KHDRBS3: variants seen among roughly 807,000 people sequenced by gnomAD.
KHDRBS3 encodes KH RNA binding domain containing, signal transduction associated 3.
In KHDRBS3, 23 loss-of-function variants were observed where a neutral mutation model predicts 45.6. That is an observed-to-expected ratio of 0.50 (90% CI 0.36 to 0.72). KHDRBS3 has a LOEUF of 0.72. KHDRBS3 is among the 30% of genes least tolerant of loss of function. KHDRBS3 has a pLI of 0.00. For synonymous variants in KHDRBS3, 162 were observed against 156.5 expected, an observed-to-expected ratio of 1.04 and a Z score of -0.26; for missense variants, 352 against 424.8, an observed-to-expected ratio of 0.83 and a Z score of 1.51.
chr8:135,591,365 T>C (rs1828735346), intron 6 of KHDRBS3, among the ~76,000 whole-genome samples: 1 of 152,240 alleles, frequency 6.6e-6, no homozygotes, highest in Non-Finnish European at 1.5e-5. Context: ...TACTGCAGGA[T>C]GTCTTATTTC....
At chr8:135,485,348 A>C (rs1174953270) in intron 1 of KHDRBS3, among the ~76,000 whole-genome samples, 2 of 152,194 alleles carry the variant, frequency 1.3e-5, no homozygotes, top group African/African-American at 2.4e-5. Flanking sequence ...ACAGAATGGT[A>C]GTTTTTAAGT....
intron 2 of KHDRBS3, among the ~76,000 whole-genome samples, chr8:135,537,014 T>G (rs1486993136): frequency 6.0e-5 from 7 of 115,938 alleles, no homozygotes; most frequent in African/African-American, 1.4e-4. Context: ...GTTTAGGAGG[T>G]AAAATCATTA....
At chr8:135,574,232 TGTTAGCACGTCACCTCCATC>T (rs1827848742) in intron 5 of KHDRBS3, among the ~76,000 whole-genome samples, 1 of 152,078 alleles carries the variant, frequency 6.6e-6, no homozygotes, top group Admixed American at 6.5e-5. Context: ...ACCTCCATCA[TGTTAGCACGTCACCTCCATC>T]ATGCCTTTCT....
chr8:135,627,515 G>A (rs904015121), intron 7 of KHDRBS3, among the ~76,000 whole-genome samples: 8 of 152,334 alleles, frequency 5.3e-5, no homozygotes, highest in African/African-American at 1.9e-4. Flanking sequence ...GAAAGAAGGT[G>A]AAGATGCATG....
chr8:135,585,216 G>A (rs762937871), intron 6 of KHDRBS3, among the ~76,000 whole-genome samples: 27 of 127,008 alleles, frequency 2.1e-4, no homozygotes, highest in South Asian at 1.6e-3. Flanking sequence ...GTGACAGAGC[G>A]AGACTCCGTC....
intron 6 of KHDRBS3, among the ~76,000 whole-genome samples, chr8:135,599,490 C>T (rs755727954): frequency 6.6e-6 from 1 of 152,192 alleles, no homozygotes; most frequent in Admixed American, 6.5e-5. Flanking sequence ...GTAATACAGA[C>T]TGCATTTTAT....
At chr8:135,522,995 T>G (rs1044523183) in intron 2 of KHDRBS3, among the ~76,000 whole-genome samples, 2 of 152,186 alleles carry the variant, frequency 1.3e-5, no homozygotes, top group African/African-American at 4.8e-5. Flanking sequence ...TCTAAGCTTT[T>G]AGTTCACTTC....
At chr8:135,484,848 A>G (rs1822764806) in intron 1 of KHDRBS3, among the ~76,000 whole-genome samples, 2 of 152,286 alleles carry the variant, frequency 1.3e-5, no homozygotes, top group South Asian at 2.1e-4. Context: ...CCAAATTTAT[A>G]TATTTTAAGT....
chr8:135,579,822 C>T (rs1828119359), intron 5 of KHDRBS3, among the ~76,000 whole-genome samples: 1 of 152,178 alleles, frequency 6.6e-6, no homozygotes. Context: ...ATAAATCCTA[C>T]TTGGTTATGG....
intron 7 of KHDRBS3, among the ~76,000 whole-genome samples, chr8:135,611,962 G>T (rs1037300798): frequency 4.6e-5 from 7 of 151,700 alleles, no homozygotes; most frequent in Non-Finnish European, 8.8e-5. Flanking sequence ...AATCATCACG[G>T]CCATCATCTT....
chr8:135,616,821 T>C (rs1563808679), intron 7 of KHDRBS3, among the ~76,000 whole-genome samples: 3 of 152,228 alleles, frequency 2.0e-5, no homozygotes, highest in African/African-American at 4.8e-5. Flanking sequence ...CTTTCTATGT[T>C]TCATTCCTCG....
intron 1 of KHDRBS3, among the ~76,000 whole-genome samples, chr8:135,475,478 A>G (rs1822236079): frequency 6.6e-6 from 1 of 151,614 alleles, no homozygotes; most frequent in African/African-American, 2.4e-5. Flanking sequence ...TGCCCAGCTA[A>G]TTTTTGTATT....
rs1438898315 is a variant in KHDRBS3, at chr8:135,647,298, A to G, written c.*214A>G. Reference sequence around the variant, plus strand: ...TTTGTTATTTCCAGTCTGTATATGAAAAAATAGGTCATCAAAAGGAAAAAA... The same window carrying G: ...TTTGTTATTTCCAGTCTGTATATGAGAAAATAGGTCATCAAAAGGAAAAAA... On this transcript the variant is annotated 3_prime_UTR_variant, in exon 9 of 9. Transcript: ENST00000355849. 2.8e-6 allele frequency: 1 copy of G among 362,496 alleles called. No individual in the cohort carries two copies. Among genetic ancestry groups the G allele is most frequent in the Non-Finnish European group, 4.9e-6 (1 of 203,382 alleles). 22.5% of individuals were successfully genotyped at this position (362,496 alleles called of 1,614,324 possible).
chr8:135,536,821 G>A (rs927428210), intron 2 of KHDRBS3, among the ~76,000 whole-genome samples: 18 of 150,084 alleles, frequency 1.2e-4, no homozygotes, highest in Non-Finnish European at 2.1e-4. Context: ...TTAGCCGGGC[G>A]CGGTGGCGGG....
At chr8:135,646,212 G>T (rs1470711058) in intron 8 of KHDRBS3, among the ~76,000 whole-genome samples, 1 of 152,016 alleles carries the variant, frequency 6.6e-6, no homozygotes, top group Non-Finnish European at 1.5e-5. Flanking sequence ...TTAAATTGCT[G>T]TATGTTGCAG....
chr8:135,598,461 G>A (rs942833113), intron 6 of KHDRBS3, among the ~76,000 whole-genome samples: 1 of 152,154 alleles, frequency 6.6e-6, no homozygotes, highest in Non-Finnish European at 1.5e-5. Flanking sequence ...GGCAGAGCTG[G>A]AATTTGAACA....
At chr8:135,632,606 G>T (rs990506321) in intron 7 of KHDRBS3, among the ~76,000 whole-genome samples, 5 of 151,888 alleles carry the variant, frequency 3.3e-5, no homozygotes, top group African/African-American at 1.2e-4. Context: ...AACTCTCCCT[G>T]CCCTGAAAGC....
intron 1 of KHDRBS3, among the ~76,000 whole-genome samples, chr8:135,469,176 GTTTTC>G (rs748807839): frequency 3.5e-4 from 54 of 152,214 alleles, no homozygotes; most frequent in Admixed American, 7.8e-4. Context: ...TTTCTTCACA[GTTTTC>G]TTTATGTAAT....
At chr8:135,494,919 G>C (rs1823358793) in intron 1 of KHDRBS3, among the ~76,000 whole-genome samples, 1 of 152,208 alleles carries the variant, frequency 6.6e-6, no homozygotes, top group Non-Finnish European at 1.5e-5. Context: ...CCTGGGGGTA[G>C]ATGGTTTTTG....
Sources: gnomAD v4.1 joint callset for allele counts (sites outside exome capture counted in the v4.1 genomes callset) on GRCh38, gnomAD v4.1.1 for gene constraint, MANE v1.5 for transcripts, NCBI Gene and HGNC (gene_info 2026-07-23, HGNC 2026-07-21) for gene names.